The following ZC3H7B variants were observed in gnomAD, a reference collection of about 807,000 sequenced individuals.
The protein encoded by ZC3H7B is zinc finger CCCH domain-containing protein 7B.
ZC3H7B carries 35 observed loss-of-function variants against 116.0 expected under a neutral mutation model. The ratio of observed to expected loss-of-function variants is 0.30; its 90% confidence interval spans 0.23 to 0.40. ZC3H7B has a LOEUF of 0.40. ZC3H7B is among the 10% of genes least tolerant of loss of function. ZC3H7B has a pLI of 1.00. For synonymous variants in ZC3H7B, 502 were observed against 545.6 expected (o/e 0.92, Z 1.11); for missense variants, 1,011 against 1,321.5 (o/e 0.77, Z 3.64).
At chr22:41,324,333 C>G (rs937506322) in intron 2 of ZC3H7B, among the ~76,000 whole-genome samples, 2 of 152,190 alleles carry the variant, frequency 1.3e-5, no homozygotes, top group Non-Finnish European at 2.9e-5. Context: ...CACAGCCCTC[C>G]TGGCGTTGCG....
In ZC3H7B at chr22:41,343,504, G is replaced by C; in HGVS notation, c.1387G>C (p.Asp463His). ...ILLGRLRSSE[D>H]QTWKRIRPRP... The stretch of plus-strand genomic sequence containing the variant: ...GCTCGGCCGGCTCCGGAGCTCGGAG[G>C]ACCAGACCTGGAAGCGGATCCGGCC... Residue 463 changes from aspartate (D) to histidine (H), a missense_variant, in exon 13 of 23, where the codon GAC becomes CAC. Coordinates refer to ENST00000352645, the MANE Select transcript of ZC3H7B (RefSeq NM_017590.6). The C allele has an allele frequency of 6.2e-7, 1 of 1,613,734 alleles. No homozygotes were observed. Among genetic ancestry groups the C allele is most frequent in the South Asian group, 1.1e-5 (1 of 91,050 alleles).
At chr22:41,321,319 G>A (rs2036253855) in intron 2 of ZC3H7B, among the ~76,000 whole-genome samples, 1 of 151,288 alleles carries the variant, frequency 6.6e-6, no homozygotes, top group African/African-American at 2.4e-5. Context: ...GGGTTCAAGC[G>A]ATTCTCCTGC....
chr22:41,342,804 G>C (rs1256014915), intron 12 of ZC3H7B, among the ~76,000 whole-genome samples, 176 bp downstream of exon 12: 1 of 152,308 alleles, frequency 6.6e-6, no homozygotes, highest in South Asian at 2.1e-4. Context: ...TCCCTGCCAG[G>C]CACCACCTTC....
chr22:41,354,427 C>T (rs2036688053), intron 17 of ZC3H7B, among the ~76,000 whole-genome samples: 1 of 152,190 alleles, frequency 6.6e-6, no homozygotes, highest in African/African-American at 2.4e-5. Flanking sequence ...AGGGGTCAGT[C>T]AGCAATGAGG....
chr22:41,333,620 C>A (rs1169506015), intron 7 of ZC3H7B: 1 of 152,048 alleles, frequency 6.6e-6, no homozygotes, highest in South Asian at 2.1e-4. Flanking sequence ...AATGAGACTC[C>A]ATCTGAAAAA....
intron 7 of ZC3H7B, among the ~76,000 whole-genome samples, chr22:41,337,700 C>T (rs942677836): frequency 6.6e-6 from 1 of 152,148 alleles, no homozygotes; most frequent in Non-Finnish European, 1.5e-5. Flanking sequence ...GGGTGAGGAC[C>T]CTGCCCTGTG....
intron 7 of ZC3H7B, among the ~76,000 whole-genome samples, chr22:41,337,561 G>T (rs1464001938): frequency 5.9e-5 from 9 of 152,172 alleles, no homozygotes; most frequent in Admixed American, 5.9e-4. Flanking sequence ...TCTGCTTCCT[G>T]GGGGGCCTGG....
At chr22:41,337,544 G>A (rs1219582427) in intron 7 of ZC3H7B, among the ~76,000 whole-genome samples, 1 of 152,170 alleles carries the variant, frequency 6.6e-6, no homozygotes, top group Non-Finnish European at 1.5e-5. Flanking sequence ...CTGGGTTTAT[G>A]CCCTTCTCTG....
Position 41,340,978 on chromosome 22 carries a change from G to A in ZC3H7B, c.1139-110G>A, listed in dbSNP as rs567414833. On this transcript the variant is annotated intron_variant, in intron 10 of 22. Transcript: ENST00000352645. ...GGGTTCAGCAGGAGTAGGAGAGGAT[G>A]TGTGGCCTGGGGGCTTCTCCGAGTC... 30 of 1,030,668 alleles carry A rather than the reference G, an allele frequency of 2.9e-5. No homozygotes were observed. The East Asian group carries it at 5.3e-4, about 18-fold the overall frequency. 63.8% of individuals were successfully genotyped at this position (1,030,668 alleles called of 1,614,324 possible). A position where few individuals can be genotyped will look rare whatever the true frequency, so the allele number is the denominator to read the frequency against.
In ZC3H7B at chr22:41,357,804, C is replaced by T. The variant is rs185026717; in HGVS notation, c.*375C>T. 160 of 286,084 alleles carry T rather than the reference C, an allele frequency of 5.6e-4. 2 individuals carry two copies. The East Asian group carries it at 0.01, about 18-fold the overall frequency. 17.7% of individuals were successfully genotyped at this position (286,084 alleles called of 1,614,324 possible). ...CTGGGGTCCCCACTTGAATCTCCAG[C>T]AGGAGGGTCCTTCTCTCCCTGGCCC... On this transcript the variant is annotated 3_prime_UTR_variant, in exon 23 of 23. Coordinates refer to ENST00000352645, the MANE Select transcript of ZC3H7B (RefSeq NM_017590.6). This position sits in a 1 kb window ranked among gnomAD's most constrained non-coding sequence, Gnocchi z 5.4.
rs1318282457 is a variant in ZC3H7B at position 41,342,711 on chromosome 22, C to T, written c.1297+83C>T. ...CATGGGATCCCAGATCAAAAGAATCCCAGTGTCTCAGTTGGAGATAAGTGC... is the reference window on the plus strand; with the variant it reads ...CATGGGATCCCAGATCAAAAGAATCTCAGTGTCTCAGTTGGAGATAAGTGC... On this transcript the variant is annotated intron_variant, in intron 12 of 22. Coordinates refer to ENST00000352645, the MANE Select transcript of ZC3H7B (RefSeq NM_017590.6). 7 of 1,334,802 alleles carry T rather than the reference C, an allele frequency of 5.2e-6. No individual in the cohort carries two copies. The African/African-American group carries it at 7.3e-5, about 14-fold the overall frequency. The allele number at this position is 1,334,802 out of a possible 1,614,324, so 82.7% of individuals were successfully genotyped here.
chr22:41,325,444 G>C (rs1440441389), intron 2 of ZC3H7B, 120 bp from the exon 3 acceptor site: 2 of 1,353,824 alleles, frequency 1.5e-6, no homozygotes, highest in Non-Finnish European at 2.1e-6. Context: ...GAAAACCGCA[G>C]TCTGTTCACC....
At chr22:41,345,335 C>T (rs1569241375) in intron 13 of ZC3H7B, among the ~76,000 whole-genome samples, 1 of 152,142 alleles carries the variant, frequency 6.6e-6, no homozygotes, top group Non-Finnish European at 1.5e-5. Context: ...CCTGTAATCC[C>T]AGCACTTTGG....
rs143069388 is a variant in ZC3H7B, at chr22:41,323,798, C to T, written c.54-1766C>T. ...ACCTTAAGATGTCTACGGCCGGGCGCGGTGGCTCATGCCTGTAATCCCAGC... is the reference window on the plus strand; with the variant it reads ...ACCTTAAGATGTCTACGGCCGGGCGTGGTGGCTCATGCCTGTAATCCCAGC... On this transcript the variant is annotated intron_variant, in intron 2 of 22. Transcript: ENST00000352645. Among the ~76,000 whole-genome samples, 36 of 152,284 alleles carry T rather than the reference C, an allele frequency of 2.4e-4. No homozygotes were observed. In the East Asian group the frequency reaches 6.0e-3, roughly 25 times the overall value.
At chr22:41,318,545 A>G (rs74873561) in intron 1 of ZC3H7B, among the ~76,000 whole-genome samples, 1 of 150,754 alleles carries the variant, frequency 6.6e-6, no homozygotes, top group East Asian at 2.0e-4. Context: ...AAAAAAAAAA[A>G]AAGACCAGCC....
At chr22:41,309,828 T>C (rs960857711) in intron 1 of ZC3H7B, among the ~76,000 whole-genome samples, 2 of 152,152 alleles carry the variant, frequency 1.3e-5, no homozygotes, top group East Asian at 3.9e-4. Context: ...GGTTATTTGT[T>C]GAATAAATGA....
rs1455618954 is a variant in ZC3H7B, at chr22:41,338,108, TCCACCCAC to T, written c.583-203_583-196del. Reference sequence around the variant, plus strand: ...GTCTTGAATTTCTGACCTCAGGTGATCCACCCACCTCAGCCTCCCCAAGTGCTGGGATT... The same window carrying T: ...GTCTTGAATTTCTGACCTCAGGTGATCTCAGCCTCCCCAAGTGCTGGGATT... On this transcript the variant is annotated intron_variant, in intron 7 of 22. Coordinates refer to ENST00000352645, the MANE Select transcript of ZC3H7B (RefSeq NM_017590.6). The surrounding 1 kb of genome is among the most constrained non-coding windows in gnomAD (Gnocchi z 4.5). Among the ~76,000 whole-genome samples, 4 of 152,116 alleles carry T rather than the reference TCCACCCAC, an allele frequency of 2.6e-5. No homozygotes were observed. Among genetic ancestry groups the T allele is most frequent in the Non-Finnish European group, 5.9e-5 (4 of 68,008 alleles).
Position 41,321,829 on chromosome 22 carries a change from CTTTTTTTTTTTTTTTT to C in ZC3H7B, c.53+1129_53+1144del, listed in dbSNP as rs199611879. On this transcript the variant is annotated intron_variant, in intron 2 of 22. Transcript: ENST00000352645. ...GACCACAAAACTCAAAACTCACATT[CTTTTTTTTTTTTTTTT>C]TTTTTTTTTTTTGAGACGGAGTCTC... 2.7e-3 allele frequency among the ~76,000 whole-genome samples: 246 copies of C among 91,014 alleles called. 1 individual carries two copies. Among genetic ancestry groups the C allele is most frequent in the Middle Eastern group, 0.013 (2 of 154 alleles). The allele number at this position is 91,014 out of a possible 152,430, so 59.7% of individuals were successfully genotyped here. A position where few individuals can be genotyped will look rare whatever the true frequency, so the allele number is the denominator to read the frequency against.
chr22:41,309,355 C>A (rs568391781), intron 1 of ZC3H7B, among the ~76,000 whole-genome samples: 1 of 151,416 alleles, frequency 6.6e-6, no homozygotes, highest in Admixed American at 6.6e-5. Flanking sequence ...GCTCTGTCGT[C>A]CAGGCTGGAG....
Sources: gnomAD v4.1 joint callset for allele counts (sites outside exome capture counted in the v4.1 genomes callset) on GRCh38, gnomAD v4.1.1 for gene constraint, Gnocchi (gnomAD v3.1) non-coding constraint, MANE v1.5 for transcripts, NCBI Gene and HGNC (gene_info 2026-07-23, HGNC 2026-07-21) for gene names.